KSR1: variants seen among roughly 807,000 people sequenced by gnomAD.
KSR1 encodes kinase suppressor of ras.
A neutral mutation model predicts 92.9 loss-of-function variants in KSR1; 35 were observed. The ratio of observed to expected loss-of-function variants is 0.38; its 90% CI spans 0.29 to 0.50. KSR1 has a LOEUF of 0.50. Among genes scored for constraint, KSR1 ranks in the 20% least tolerant of loss-of-function variants. The pLI, the probability that KSR1 is intolerant of heterozygous loss-of-function variation, is 0.94. For synonymous variants in KSR1, 467 were observed against 472.6 expected (o/e 0.99, Z 0.15); for missense variants, 972 against 1,158.5 (o/e 0.84, Z 2.34).
chr17:27,538,029 C>A (rs988372475), intron 1 of KSR1, among the ~76,000 whole-genome samples: 1 of 152,138 alleles, frequency 6.6e-6, no homozygotes. Context: ...AGCTGCTCTT[C>A]GAGATTTAAG....
intron 1 of KSR1, among the ~76,000 whole-genome samples, chr17:27,503,417 A>G (rs1380402159): frequency 1.3e-5 from 2 of 152,180 alleles, no homozygotes; most frequent in East Asian, 3.9e-4. Flanking sequence ...AGATTCTCTG[A>G]TCTAGGCCGG....
intron 18 of KSR1, among the ~76,000 whole-genome samples, chr17:27,611,957 A>AT (rs985530912): frequency 2.0e-5 from 3 of 152,064 alleles, no homozygotes; most frequent in African/African-American, 4.8e-5. Flanking sequence ...AAAGAAGATA[A>AT]TTTTTTTTAA....
At chr17:27,588,619 C>T in intron 6 of KSR1, 84 bp downstream of exon 6, 1 of 1,270,718 alleles carries the variant, frequency 7.9e-7, no homozygotes, top group South Asian at 1.5e-5. Flanking sequence ...CACTGTTTCT[C>T]AGCGAGCTCT....
intron 2 of KSR1, among the ~76,000 whole-genome samples, chr17:27,572,879 G>C (rs2072364727): frequency 6.6e-6 from 1 of 152,156 alleles, no homozygotes; most frequent in Non-Finnish European, 1.5e-5. Context: ...CCCTCGCAGG[G>C]GCCTTCACAG....
intron 1 of KSR1, among the ~76,000 whole-genome samples, chr17:27,545,193 G>T (rs1208851416): frequency 6.6e-6 from 1 of 152,158 alleles, no homozygotes; most frequent in Admixed American, 6.5e-5. Context: ...TGTCTAGCGG[G>T]GATCTCTACC....
At chr17:27,560,522 G>C (rs1309761703) in intron 2 of KSR1, 2 of 517,650 alleles carry the variant, frequency 3.9e-6, no homozygotes. Flanking sequence ...CTACCCTTGC[G>C]TTCCTGTGTT....
chr17:27,595,416 C>T (rs896370497), intron 9 of KSR1, among the ~76,000 whole-genome samples: 7 of 152,246 alleles, frequency 4.6e-5, no homozygotes, highest in African/African-American at 9.6e-5. Flanking sequence ...TACTGATCAG[C>T]GCAGTAACGC....
chr17:27,461,831 A>G (rs116475747), intron 1 of KSR1, among the ~76,000 whole-genome samples: 2,343 of 76,270 alleles, frequency 0.031, 58 homozygotes, highest in African/African-American at 0.081. Flanking sequence ...CTCAAAATCC[A>G]GGAAAGTGCG....
rs1567905287 is a variant in KSR1, at chr17:27,625,672, C to T, written c.*2280C>T. ...TGACTGTGAATTGAGGTTAGGAAGG[C>T]ACACCTGCCCTTCTGTGTGCTCTCT... is the stretch of plus-strand genomic sequence containing the variant. On this transcript the variant is annotated 3_prime_UTR_variant, in exon 21 of 21. Coordinates refer to ENST00000644974, the MANE Select transcript of KSR1 (RefSeq NM_001394583.1). 1.3e-5 allele frequency: 2 copies of T among 151,944 alleles called. No individual in the cohort carries two copies. The highest frequency in any genetic ancestry group is 2.9e-5 in the Non-Finnish European group (2 of 68,028). 9.4% of individuals were successfully genotyped at this position (151,944 alleles called of 1,614,324 possible). A position where few individuals can be genotyped will look rare whatever the true frequency, so the allele number is the denominator to read the frequency against.
In KSR1 at chr17:27,601,394, CT is replaced by C. The variant is rs1184487681; in HGVS notation, c.1506del (p.Pro503GlnfsTer89). 6.2e-7 allele frequency: 1 copy of C among 1,613,486 alleles called. No homozygotes were observed. Among genetic ancestry groups the C allele is most frequent in the Admixed American group, 1.7e-5 (1 of 60,012 alleles). On this transcript the variant is annotated frameshift_variant, in exon 11 of 21. Transcript: ENST00000644974. LOFTEE classifies it high-confidence loss of function. The stretch of plus-strand genomic sequence containing the variant: ...TCATTCATCATAGACAGCAGTTTAT[CT>C]TTCCAGGTGAGTCCTTTGCATGGTT... ...YFIHHRQQFIFPDISAFAHAA... is the reference protein window; with the variant it reads ...YFIHHRQQFIXPDISAFAHAA...
intron 1 of KSR1, among the ~76,000 whole-genome samples, chr17:27,492,921 A>C (rs1189143719): frequency 1.3e-5 from 2 of 152,226 alleles, no homozygotes; most frequent in African/African-American, 2.4e-5. Context: ...TTATACACTT[A>C]GTACTTGGCA....
intron 1 of KSR1, among the ~76,000 whole-genome samples, chr17:27,548,547 C>T (rs187160245): frequency 6.0e-5 from 9 of 150,680 alleles, no homozygotes; most frequent in African/African-American, 2.2e-4. Flanking sequence ...CCCACCTTAG[C>T]CTCCGAAAGT....
intron 2 of KSR1, among the ~76,000 whole-genome samples, chr17:27,562,281 G>A (rs1481737467): frequency 6.6e-6 from 1 of 152,238 alleles, no homozygotes; most frequent in African/African-American, 2.4e-5. Flanking sequence ...CTGGCATGTG[G>A]TGGGTTTTCT....
chr17:27,605,397 C>T (rs752525517), intron 13 of KSR1, 37 bp from the exon 14 acceptor site: 1 of 1,590,834 alleles, frequency 6.3e-7, no homozygotes, highest in East Asian at 2.2e-5. Flanking sequence ...GAGCCCAGAT[C>T]TGCTGCCCAT....
At chr17:27,487,027 GAC>G (rs1177888034) in intron 1 of KSR1, among the ~76,000 whole-genome samples, 2 of 152,194 alleles carry the variant, frequency 1.3e-5, no homozygotes, top group African/African-American at 4.8e-5. Context: ...TGTGGTAAAA[GAC>G]ACTAGAAAGC....
At position 27,577,370 on chromosome 17, in the gene KSR1, T is replaced by C. The variant is rs968125087; in HGVS notation, c.373-122T>C. 3.2e-6 allele frequency: 2 copies of C among 634,530 alleles called. No homozygotes were observed. Among genetic ancestry groups the C allele is most frequent in the South Asian group, 3.8e-5 (2 of 53,128 alleles). 39.3% of individuals were successfully genotyped at this position (634,530 alleles called of 1,614,324 possible). On this transcript the variant is annotated intron_variant, in intron 2 of 20. Coordinates refer to ENST00000644974, the MANE Select transcript of KSR1 (RefSeq NM_001394583.1). This position sits in a 1 kb window ranked among gnomAD's most constrained non-coding sequence, Gnocchi z 4.5. ...GTCCCCAAGCACGTGGTGGCTCTGG[T>C]CAGAGGCCGGCCCAGCCAGCAGCTG... is the stretch of plus-strand genomic sequence containing the variant.
At chr17:27,493,736 G>T (rs1185234566) in intron 1 of KSR1, among the ~76,000 whole-genome samples, 1 of 152,158 alleles carries the variant, frequency 6.6e-6, no homozygotes, top group African/African-American at 2.4e-5. Flanking sequence ...TAATTATGGG[G>T]TATGGTGGAG....
At chr17:27,555,645 G>T (rs192935229) in intron 2 of KSR1, among the ~76,000 whole-genome samples, 10 of 152,272 alleles carry the variant, frequency 6.6e-5, no homozygotes, top group African/African-American at 2.4e-4. Flanking sequence ...TCCCCAGGGA[G>T]CCTGGTGAGT....
At chr17:27,523,385 T>TA (rs11429386) in intron 1 of KSR1, among the ~76,000 whole-genome samples, 88,110 of 144,362 alleles carry the variant, frequency 0.61, 26,651 homozygotes, top group South Asian at 0.7. Context: ...TCTGTAAGGT[T>TA]AAAAAAAAAA....
Sources: allele counts gnomAD v4.1 joint callset (sites outside exome capture counted in the v4.1 genomes callset), GRCh38; gene constraint gnomAD v4.1.1; non-coding constraint Gnocchi (gnomAD v3.1); transcripts MANE v1.5; gene names NCBI Gene and HGNC (gene_info 2026-07-23, HGNC 2026-07-21).